Variants in CSMD3 observed in about 807,000 individuals in gnomAD.
The protein encoded by CSMD3 is CUB and sushi domain-containing protein 3.
Under a neutral mutation model 435.2 loss-of-function variants are expected in CSMD3, and 177 were observed. The ratio of observed to expected loss-of-function variants is 0.41; its 90% CI spans 0.36 to 0.46. The LOEUF (loss-of-function observed/expected upper bound fraction) is 0.46, where lower values mean the gene tolerates loss of function less well. Ranked by LOEUF, CSMD3 falls within the 20% of genes least tolerant of loss-of-function variation. CSMD3 has a pLI of 0.34. For synonymous variants in CSMD3, 1,656 were observed against 1,520.5 expected, an observed-to-expected ratio of 1.09 and a Z score of -2.07; for missense variants, 4,265 against 4,504.6, an observed-to-expected ratio of 0.95 and a Z score of 1.52.
At chr8:112,553,677 T>C (rs1044684833) in intron 25 of CSMD3, among the ~76,000 whole-genome samples, 2 of 152,040 alleles carry the variant, frequency 1.3e-5, no homozygotes, top group African/African-American at 2.4e-5. Flanking sequence ...AACTTTCCTA[T>C]TATCTTAGAT....
At chr8:112,522,371 A>G (rs1586589404) in intron 27 of CSMD3, among the ~76,000 whole-genome samples, 1 of 151,930 alleles carries the variant, frequency 6.6e-6, no homozygotes. Context: ...GAGAAAGCAT[A>G]TATTACTTAG....
intron 27 of CSMD3, among the ~76,000 whole-genome samples, chr8:112,532,350 C>G (rs1253562086): frequency 6.6e-6 from 1 of 151,860 alleles, no homozygotes; most frequent in African/African-American, 2.4e-5. Context: ...ATATGAATAT[C>G]CAGGTATAAA....
intron 31 of CSMD3, among the ~76,000 whole-genome samples, chr8:112,479,966 G>A (rs1259502934): frequency 6.6e-6 from 1 of 152,170 alleles, no homozygotes; most frequent in Admixed American, 6.5e-5. Flanking sequence ...CTAGCAGCTT[G>A]CACCTCTGCC....
chr8:112,989,958 GTAGTGAAT>G (rs1223793664), intron 6 of CSMD3, among the ~76,000 whole-genome samples: 1 of 151,850 alleles, frequency 6.6e-6, no homozygotes, highest in Non-Finnish European at 1.5e-5. Flanking sequence ...TGTTCTTGTG[GTAGTGAAT>G]AAGTCTCATG....
intron 13 of CSMD3, among the ~76,000 whole-genome samples, chr8:112,775,992 G>T (rs1323185835): frequency 6.6e-6 from 1 of 151,766 alleles, no homozygotes; most frequent in Non-Finnish European, 1.5e-5. Context: ...CTTCTAGCAT[G>T]ATACTTGATA....
intron 3 of CSMD3, among the ~76,000 whole-genome samples, chr8:113,216,430 T>C (rs971481523): frequency 7.9e-5 from 12 of 151,914 alleles, no homozygotes; most frequent in African/African-American, 1.7e-4. Flanking sequence ...AGGTATGAGG[T>C]ATGAGTGATG....
intron 2 of CSMD3, among the ~76,000 whole-genome samples, chr8:113,302,547 A>G (rs1381997305): frequency 1.3e-5 from 2 of 151,648 alleles, no homozygotes; most frequent in African/African-American, 4.8e-5. Context: ...GCTCATATTA[A>G]TTATGTAAAA....
intron 1 of CSMD3, among the ~76,000 whole-genome samples, chr8:113,428,892 T>A (rs914670725): frequency 1.3e-5 from 2 of 151,858 alleles, no homozygotes; most frequent in African/African-American, 4.8e-5. Flanking sequence ...ATCATATTTT[T>A]TAATGTCATA....
intron 32 of CSMD3, among the ~76,000 whole-genome samples, chr8:112,459,119 CA>C (rs1486557944): frequency 6.6e-6 from 1 of 152,128 alleles, no homozygotes; most frequent in East Asian, 1.9e-4. Flanking sequence ...CTAAAATGTC[CA>C]ACGGGTTTTG....
At chr8:112,596,444 T>A (rs1831729030) in intron 22 of CSMD3, among the ~76,000 whole-genome samples, 1 of 152,024 alleles carries the variant, frequency 6.6e-6, no homozygotes, top group Non-Finnish European at 1.5e-5. Context: ...ACTGTCAACA[T>A]TAGACAGATC....
At chr8:113,289,892 G>T (rs2093673864) in intron 2 of CSMD3, among the ~76,000 whole-genome samples, 1 of 151,390 alleles carries the variant, frequency 6.6e-6, no homozygotes, top group African/African-American at 2.4e-5. Context: ...AAAATTTATG[G>T]CTCCTTCTAT....
At chr8:112,526,391 C>T (rs1486087636) in intron 27 of CSMD3, among the ~76,000 whole-genome samples, 1 of 151,874 alleles carries the variant, frequency 6.6e-6, no homozygotes. Context: ...ATCAGCTTTA[C>T]TTTGTCTCTC....
chr8:112,453,046 T>C (rs1309986324), intron 32 of CSMD3, among the ~76,000 whole-genome samples: 1 of 152,144 alleles, frequency 6.6e-6, no homozygotes, highest in Non-Finnish European at 1.5e-5. Flanking sequence ...TTCCTGACTC[T>C]TGGTAAAAAG....
intron 50 of CSMD3, among the ~76,000 whole-genome samples, chr8:112,306,875 T>G (rs916142285): frequency 1.3e-5 from 2 of 152,168 alleles, no homozygotes; most frequent in Non-Finnish European, 2.9e-5. Context: ...TGAAAATTAG[T>G]TTTACTATGA....
At chr8:112,993,107 T>C (rs1456001931) in intron 6 of CSMD3, among the ~76,000 whole-genome samples, 2 of 151,798 alleles carry the variant, frequency 1.3e-5, no homozygotes, top group South Asian at 2.1e-4. Flanking sequence ...CCTGGGATGA[T>C]ACGGAAAGTA....
intron 4 of CSMD3, among the ~76,000 whole-genome samples, chr8:113,148,127 T>G (rs1366734173): frequency 6.6e-6 from 1 of 151,812 alleles, no homozygotes; most frequent in Non-Finnish European, 1.5e-5. Context: ...TATTCTCATT[T>G]CTAAAGAGTT....
At chr8:113,365,438 A>G (rs577368638) in intron 1 of CSMD3, among the ~76,000 whole-genome samples, 1 of 152,222 alleles carries the variant, frequency 6.6e-6, no homozygotes, top group Admixed American at 6.5e-5. Context: ...ATAATCCTTT[A>G]GAGACAGAGC....
intron 22 of CSMD3, among the ~76,000 whole-genome samples, chr8:112,635,567 A>G (rs956328466): frequency 6.6e-6 from 1 of 151,986 alleles, no homozygotes; most frequent in Non-Finnish European, 1.5e-5. Context: ...TGAGAGTATG[A>G]TTACTTATCA....
rs769286936 is a variant in CSMD3 at position 112,237,269 on chromosome 8, T to C, written c.10548A>G (p.Leu3516=). ...NFKGRKQPMT[L]TVTSFNASTG... ...TGGAAGCATTGAAACTAGTAACTGT[T>C]AAGGTCATGGGTTGTTTCCTTCCTT... The change falls in exon 67 of 71, where the codon TTA becomes TTG. Residue 3516 remains leucine (L), a synonymous_variant. Coordinates refer to ENST00000297405, the MANE Select transcript of CSMD3 (RefSeq NM_198123.2). 1.9e-6 allele frequency: 3 copies of C among 1,613,526 alleles called. No individual in the cohort carries two copies. Among genetic ancestry groups the C allele is most frequent in the South Asian group, 2.2e-5 (2 of 91,078 alleles).
Sources: allele counts gnomAD v4.1 joint callset (sites outside exome capture counted in the v4.1 genomes callset), GRCh38; gene constraint gnomAD v4.1.1; transcripts MANE v1.5; gene names NCBI Gene and HGNC (gene_info 2026-07-23, HGNC 2026-07-21).